TFEC: variants seen among roughly 807,000 people sequenced by gnomAD.
The protein encoded by TFEC is class E basic helix-loop-helix protein 34.
Under a neutral mutation model 41.6 loss-of-function variants are expected in TFEC, and 31 were observed. The ratio of observed to expected loss-of-function variants is 0.74; its 90% CI spans 0.56 to 1.01. TFEC has a LOEUF of 1.01. Among genes scored for constraint, TFEC ranks in the 50% least tolerant of loss-of-function variants. TFEC has a pLI of 0.00. For synonymous variants in TFEC, 143 were observed against 140.6 expected (o/e 1.02, Z -0.12); for missense variants, 402 against 404.1 (o/e 0.99, Z 0.04).
intron 3 of TFEC, among the ~76,000 whole-genome samples, chr7:116,079,851 TAA>T (rs1797047458): frequency 6.6e-6 from 1 of 151,626 alleles, no homozygotes; most frequent in Non-Finnish European, 1.5e-5. Flanking sequence ...ATACAGAACC[TAA>T]AAAGAGCCTG....
upstream of TFEC, among the ~76,000 whole-genome samples, chr7:116,035,347 A>T (rs1016064917): frequency 4.6e-5 from 7 of 152,070 alleles, no homozygotes; most frequent in African/African-American, 1.7e-4. Context: ...AGTCCAGATC[A>T]TACGTGACCT....
At chr7:116,089,108 T>C (rs1562965160) in intron 3 of TFEC, among the ~76,000 whole-genome samples, 1 of 152,164 alleles carries the variant, frequency 6.6e-6, no homozygotes, top group African/African-American at 2.4e-5. Context: ...TGTTTAAATC[T>C]ATAGCAACTA....
At chr7:116,086,937 G>C (rs976903140) in intron 3 of TFEC, among the ~76,000 whole-genome samples, 2 of 151,854 alleles carry the variant, frequency 1.3e-5, no homozygotes, top group African/African-American at 4.8e-5. Flanking sequence ...TCTAAATCCA[G>C]CAAATGTTGT....
chr7:116,118,728 G>A (rs529798321), intron 1 of TFEC, among the ~76,000 whole-genome samples: 25 of 151,878 alleles, frequency 1.6e-4, no homozygotes, highest in African/African-American at 4.6e-4. Flanking sequence ...AAAGAGAAAC[G>A]TGCAAAGATA....
At chr7:116,089,583 A>G (rs570789164) in intron 3 of TFEC, among the ~76,000 whole-genome samples, 25 of 152,090 alleles carry the variant, frequency 1.6e-4, no homozygotes, top group Admixed American at 9.8e-4. Flanking sequence ...AGAAACACAT[A>G]AGCAAGTGAA....
chr7:116,021,858 T>C (rs1795408544), intron 1 of TFEC, among the ~76,000 whole-genome samples: 1 of 152,228 alleles, frequency 6.6e-6, no homozygotes, highest in African/African-American at 2.4e-5. Flanking sequence ...TTAGTAGGTG[T>C]GCTCTGTTTA....
chr7:115,999,355 A>G (rs770108895), intron 1 of TFEC, among the ~76,000 whole-genome samples: 19 of 152,044 alleles, frequency 1.2e-4, no homozygotes, highest in Non-Finnish European at 2.8e-4. Context: ...ACTAAGAGGA[A>G]AGTTTATGGG....
chr7:116,087,764 G>A (rs1163339750), intron 3 of TFEC, among the ~76,000 whole-genome samples: 1 of 151,940 alleles, frequency 6.6e-6, no homozygotes, highest in Non-Finnish European at 1.5e-5. Flanking sequence ...AATGAAAAAG[G>A]AAAAATTTCC....
At chr7:116,043,901 T>C (rs767717936) in intron 3 of TFEC, among the ~76,000 whole-genome samples, 16 of 152,204 alleles carry the variant, frequency 1.1e-4, no homozygotes, top group Non-Finnish European at 2.1e-4. Context: ...TAGGTGAGAA[T>C]AGTACCACTA....
At chr7:116,056,868 C>A (rs1485320014) in intron 3 of TFEC, among the ~76,000 whole-genome samples, 1 of 151,768 alleles carries the variant, frequency 6.6e-6, no homozygotes, top group Non-Finnish European at 1.5e-5. Context: ...AACAAAAGAT[C>A]AAAACTGACA....
At chr7:116,123,755 C>A (rs939588661) in intron 1 of TFEC, among the ~76,000 whole-genome samples, 1 of 152,062 alleles carries the variant, frequency 6.6e-6, no homozygotes, top group African/African-American at 2.4e-5. Context: ...CCCTACTACT[C>A]CTATCATGTT....
intron 5 of TFEC, among the ~76,000 whole-genome samples, chr7:115,953,990 C>T (rs2130388039): frequency 6.6e-6 from 1 of 152,218 alleles, no homozygotes; most frequent in Admixed American, 6.6e-5. Flanking sequence ...GACAGTTACA[C>T]ATTTAAGACA....
In TFEC at chr7:116,097,005, G is replaced by A. The variant is rs149325774; in HGVS notation, c.198+13703C>T. Among the ~76,000 whole-genome samples the A allele has an allele frequency of 7.1e-3, 1,081 of 151,758 alleles. 5 individuals carry two copies. The highest frequency in any genetic ancestry group is 0.014 in the Middle Eastern group (4 of 292). ...CTCGGGAGGCTGAGGCAGGAGAATC[G>A]CTCGAACCAGGGAGTCGGAGGTTGC... On this transcript the variant is annotated intron_variant, in intron 3 of 8. Transcript: ENST00000484212.
intron 1 of TFEC, among the ~76,000 whole-genome samples, chr7:116,122,691 C>T (rs1341803208): frequency 6.6e-6 from 1 of 151,996 alleles, no homozygotes; most frequent in Non-Finnish European, 1.5e-5. Context: ...ATATGAACTC[C>T]AGCATATAAG....
At chr7:116,045,727 G>A (rs1263364356) in intron 3 of TFEC, among the ~76,000 whole-genome samples, 2 of 152,214 alleles carry the variant, frequency 1.3e-5, no homozygotes, top group Non-Finnish European at 2.9e-5. Flanking sequence ...GTGCGAAAAC[G>A]GTCACCATCC....
chr7:115,952,379 A>G (rs185005272), intron 5 of TFEC, among the ~76,000 whole-genome samples: 29 of 152,098 alleles, frequency 1.9e-4, no homozygotes, highest in Middle Eastern at 3.4e-3. Flanking sequence ...AAATGTATAT[A>G]TATAACATAT....
At chr7:116,090,743 A>C (rs1285430272) in intron 3 of TFEC, among the ~76,000 whole-genome samples, 1 of 152,150 alleles carries the variant, frequency 6.6e-6, no homozygotes, top group East Asian at 1.9e-4. Context: ...TAAGACATAG[A>C]TACTTTGCAC....
At chr7:116,004,178 C>T (rs976010755) in intron 1 of TFEC, among the ~76,000 whole-genome samples, 7 of 151,928 alleles carry the variant, frequency 4.6e-5, no homozygotes, top group African/African-American at 1.7e-4. Flanking sequence ...AGAAAGTTAA[C>T]TAAACCTAAA....
chr7:116,110,816 A>G, exon 3 of TFEC: 3 of 1,548,668 alleles, frequency 1.9e-6, no homozygotes, highest in Non-Finnish European at 2.6e-6. Flanking sequence ...TTCTATGGGC[A>G]CTGATTTCCT....
Sources: allele counts gnomAD v4.1 joint callset (sites outside exome capture counted in the v4.1 genomes callset), GRCh38; gene constraint gnomAD v4.1.1; transcripts MANE v1.5; gene names NCBI Gene and HGNC (gene_info 2026-07-23, HGNC 2026-07-21).